Variants in EVI5 observed in about 807,000 individuals in gnomAD.
EVI5 encodes ecotropic viral integration site 5.
EVI5 carries 73 observed loss-of-function variants against 112.0 expected under a neutral mutation model. That is an observed-to-expected ratio of 0.65 (90% CI 0.54 to 0.79). The LOEUF (loss-of-function observed/expected upper bound fraction) is 0.79. EVI5 is among the 30% of genes least tolerant of loss of function. EVI5 has a pLI of 0.00. For synonymous variants in EVI5, 305 were observed against 319.9 expected (o/e 0.95, Z 0.50); for missense variants, 900 against 968.8 (o/e 0.93, Z 0.94).
chr1:92,756,433 G>T (rs1680963519), intron 1 of EVI5: 1 of 539,480 alleles, frequency 1.9e-6, no homozygotes, highest in Non-Finnish European at 3.8e-6. Flanking sequence ...CTACATGTAT[G>T]GCTTCTTCGA....
At chr1:92,595,251 T>TC (rs1317241010) in intron 18 of EVI5, among the ~76,000 whole-genome samples, 1 of 151,824 alleles carries the variant, frequency 6.6e-6, no homozygotes, top group East Asian at 1.9e-4. Flanking sequence ...AAGGATGAGT[T>TC]CATGTCCTTT....
Position 92,765,334 on chromosome 1 carries a change from C to T in EVI5, c.-82+19502G>A, listed in dbSNP as rs72956069. On this transcript the variant is annotated intron_variant, in intron 1 of 19. Coordinates refer to ENST00000684568, the MANE Select transcript of EVI5 (RefSeq NM_001350197.2). ...CCTCTCAAAGTGCTGGGATTATGGG[C>T]GTGAGCCACCAAGACCGGCTGCTTT... Among the ~76,000 whole-genome samples the T allele has an allele frequency of 2.7e-3, 402 of 149,790 alleles. 1 individual carries two copies. Among genetic ancestry groups the T allele is most frequent in the African/African-American group, 8.7e-3 (353 of 40,796 alleles).
chr1:92,619,679 G>GGGA (rs1233092348), intron 16 of EVI5, among the ~76,000 whole-genome samples: 2 of 151,854 alleles, frequency 1.3e-5, no homozygotes, highest in Non-Finnish European at 2.9e-5. Context: ...TAGCACTTTG[G>GGGA]GGAGGCTGAG....
chr1:92,781,144 C>T lies in EVI5; in HGVS notation c.-82+3692G>A, dbSNP rs572410908. Among the ~76,000 whole-genome samples the T allele has an allele frequency of 3.9e-5, 6 of 152,188 alleles. No homozygotes were observed. The South Asian group carries it at 1.0e-3, about 26-fold the overall frequency. On this transcript the variant is annotated intron_variant, in intron 1 of 19. Transcript: ENST00000684568. ...GGATTTCAGGCATGAGCCACCACGC[C>T]CGGCCTAAAAAGTGAATCTTGACCC...
chr1:92,614,289 A>G (rs913187795), intron 16 of EVI5, among the ~76,000 whole-genome samples: 2 of 152,206 alleles, frequency 1.3e-5, no homozygotes, highest in African/African-American at 2.4e-5. Context: ...TTCAACAAAA[A>G]AATTACAAAG....
intron 18 of EVI5, among the ~76,000 whole-genome samples, chr1:92,593,661 C>T (rs1317416260): frequency 6.6e-6 from 1 of 152,088 alleles, no homozygotes; most frequent in Non-Finnish European, 1.5e-5. Context: ...GATTGTATAT[C>T]TAGAAAACCC....
In EVI5 at chr1:92,625,913, C is replaced by T. The variant is rs1407075053; in HGVS notation, c.1549G>A (p.Glu517Lys). The T allele has an allele frequency of 1.9e-6, 3 of 1,606,622 alleles. No individual in the cohort carries two copies. The highest frequency in any genetic ancestry group is 2.6e-6 in the Non-Finnish European group (3 of 1,174,250). The change falls in exon 15 of 20, where the codon GAG becomes AAG. Residue 517 changes from glutamate to lysine, a missense_variant. Physicochemically the swap from Glu to Lys is moderately conservative, Grantham distance 56 (BLOSUM62 1). Coordinates refer to ENST00000684568, the MANE Select transcript of EVI5 (RefSeq NM_001350197.2). ...IEKRNNSLPD[E>K]NNIARLQEEL... The stretch of plus-strand genomic sequence containing the variant: ...TCCTGAAGCCTTGCAATATTATTCT[C>T]ATCAGGAAGGGAGTTATTCCTCTAA...
chr1:92,689,691 C>T (rs189337092), intron 9 of EVI5, among the ~76,000 whole-genome samples: 20 of 151,654 alleles, frequency 1.3e-4, no homozygotes, highest in Middle Eastern at 3.4e-3. Context: ...CTTACACTGC[C>T]GGGTTAGACT....
chr1:92,612,465 T>A (rs1421614811), intron 16 of EVI5, among the ~76,000 whole-genome samples: 1 of 152,018 alleles, frequency 6.6e-6, no homozygotes, highest in Non-Finnish European at 1.5e-5. Flanking sequence ...TCCCAGTACT[T>A]TGGGAGGCCG....
intron 2 of EVI5, among the ~76,000 whole-genome samples, chr1:92,711,149 G>A (rs571877946): frequency 6.6e-6 from 1 of 152,264 alleles, no homozygotes; most frequent in South Asian, 2.1e-4. Context: ...ATACAAGGGA[G>A]GAAAGGGAAA....
chr1:92,595,413 T>C (rs1401908441), intron 18 of EVI5, among the ~76,000 whole-genome samples: 1 of 151,704 alleles, frequency 6.6e-6, no homozygotes, highest in Non-Finnish European at 1.5e-5. Context: ...CGAGGCCTGT[T>C]GTGGGGTGGG....
intron 1 of EVI5, among the ~76,000 whole-genome samples, chr1:92,738,134 G>A (rs944778239): frequency 6.6e-6 from 1 of 152,126 alleles, no homozygotes; most frequent in African/African-American, 2.4e-5. Context: ...GCTCATCAGG[G>A]CAAAAGGCCG....
intron 18 of EVI5, among the ~76,000 whole-genome samples, chr1:92,568,470 A>T (rs891084076): frequency 6.6e-6 from 1 of 152,198 alleles, no homozygotes; most frequent in Admixed American, 6.5e-5. Flanking sequence ...GAACAGGTAC[A>T]ACACTTATGA....
rs1437163717 is a variant in EVI5 at position 92,514,884 on chromosome 1, C to T, written c.2167-914G>A. Among the ~76,000 whole-genome samples the T allele has an allele frequency of 3.9e-5, 6 of 152,166 alleles. No individual in the cohort carries two copies. The South Asian group carries it at 8.3e-4, about 21-fold the overall frequency. On this transcript the variant is annotated intron_variant, in intron 19 of 19. Coordinates refer to ENST00000684568, the MANE Select transcript of EVI5 (RefSeq NM_001350197.2). ...GAAAATGATTTATAAATCATTAAAA[C>T]TTTGCTAAGAGTCTCCATCCTGTTA...
rs201948101 is a variant in EVI5 at position 92,624,293 on chromosome 1, G to C, written c.1710C>G (p.Pro570=). Residue 570 remains proline (P), a synonymous_variant, in exon 16 of 20, where the codon CCC becomes CCG. Coordinates refer to ENST00000684568, the MANE Select transcript of EVI5 (RefSeq NM_001350197.2). The part of the protein sequence containing the change: ...ARTTGRWKDP[P]KKNAMNELQD... ...GTAACTCATTCATAGCATTTTTCTTGGGTGGGTCTTTCCATCTCCCAGTAG... is the reference window on the plus strand; with the variant it reads ...GTAACTCATTCATAGCATTTTTCTTCGGTGGGTCTTTCCATCTCCCAGTAG... The C allele has an allele frequency of 7.5e-5, 121 of 1,613,304 alleles. No homozygotes were observed. The highest frequency in any genetic ancestry group is 8.9e-5 in the Non-Finnish European group (105 of 1,179,566).
rs1685466806 is a variant in EVI5 at position 92,785,104 on chromosome 1, A to T, written c.-350T>A. 1 of 985,100 alleles carries T rather than the reference A, an allele frequency of 1.0e-6. No homozygotes were observed. Among genetic ancestry groups the T allele is most frequent in the South Asian group, 4.7e-5 (1 of 21,280 alleles). The allele number at this position is 985,100 out of a possible 1,614,324, so 61.0% of individuals were successfully genotyped here. A position where few individuals can be genotyped will look rare whatever the true frequency, so the allele number is the denominator to read the frequency against. Reference sequence around the variant, plus strand: ...GGGTCCGGCCCGGCCGCGTCAGGAGAGCCCAAGGCGCAGGCGCGGGAGGGC... The same window carrying T: ...GGGTCCGGCCCGGCCGCGTCAGGAGTGCCCAAGGCGCAGGCGCGGGAGGGC... On this transcript the variant is annotated 5_prime_UTR_variant, in exon 1 of 20. Transcript: ENST00000684568.
At position 92,585,760 on chromosome 1, in the gene EVI5, G is replaced by T. The variant is rs139708265; in HGVS notation, c.2070+19547C>A. On this transcript the variant is annotated intron_variant, in intron 18 of 19. Transcript: ENST00000684568. ...CCCCTATTATTAATATATTAGTGTG[G>T]TACCTTTGTTACAATTAATGAACCA... 1.8e-4 allele frequency among the ~76,000 whole-genome samples: 27 copies of T among 151,940 alleles called. No homozygotes were observed. The East Asian group carries it at 5.0e-3, about 28-fold the overall frequency.
chr1:92,640,528 G>C (rs1659733803), intron 13 of EVI5, among the ~76,000 whole-genome samples: 1 of 152,086 alleles, frequency 6.6e-6, no homozygotes, highest in African/African-American at 2.4e-5. Flanking sequence ...GATCATTAGA[G>C]AAATGCAAAT....
At chr1:92,641,460 AT>A (rs1320124340) in intron 13 of EVI5, among the ~76,000 whole-genome samples, 18 of 152,322 alleles carry the variant, frequency 1.2e-4, no homozygotes, top group Admixed American at 1.2e-3. Context: ...GCAAAAAAAA[AT>A]CTATAAAACT....
Sources: allele counts gnomAD v4.1 joint callset (sites outside exome capture counted in the v4.1 genomes callset), GRCh38; gene constraint gnomAD v4.1.1; transcripts MANE v1.5; gene names NCBI Gene and HGNC (gene_info 2026-07-23, HGNC 2026-07-21).